ULK4: variants seen among roughly 807,000 people sequenced by gnomAD.
ULK4 encodes the protein unc-51 like kinase 4.
ULK4 carries 133 observed loss-of-function variants against 160.6 expected under a neutral mutation model. The ratio of observed to expected loss-of-function variants is 0.83; its 90% confidence interval spans 0.72 to 0.96. The LOEUF (loss-of-function observed/expected upper bound fraction) is 0.96, where lower values mean the gene tolerates loss of function less well. Among genes scored for constraint, ULK4 ranks in the 40% least tolerant of loss-of-function variants. The pLI is 0.00. For missense variants in ULK4, 1,580 were observed against 1,499.5 expected (o/e 1.05, Z -0.89); for synonymous variants, 534 against 539.8 (o/e 0.99, Z 0.15).
intron 30 of ULK4, among the ~76,000 whole-genome samples, chr3:41,645,129 CTT>C (rs2034422552): frequency 6.6e-6 from 1 of 151,912 alleles, no homozygotes; most frequent in Non-Finnish European, 1.5e-5. Context: ...TTTTGTTGAT[CTT>C]TTCAAAAAAC....
chr3:41,907,917 G>A lies in ULK4; in HGVS notation c.1110C>T (p.Ser370=). 1.9e-6 allele frequency: 3 copies of A among 1,607,196 alleles called. No individual in the cohort carries two copies. The highest frequency in any genetic ancestry group is 2.5e-6 in the Non-Finnish European group (3 of 1,177,148). The change falls in exon 12 of 37, where the codon AGC becomes AGT. Residue 370 remains serine (S), a synonymous_variant. Coordinates refer to ENST00000301831, the MANE Select transcript of ULK4 (RefSeq NM_017886.4). The part of the protein sequence containing the change: ...LLSSRPTPRT[S]TAVEVSPGED... ...CACCAGGACTTACTTCCACTGCAGT[G>A]CTAGTTCTGGGAGTAGGACGAGAAC...
In ULK4 at chr3:41,263,340, T is replaced by C. The variant is rs370801699; in HGVS notation, c.3679-13766A>G. ...AGTGTTTGTGTGATAGGGAGGGCTC[T>C]GAGGTGGGAAACGGGAGGGAGATAA... On this transcript the variant is annotated intron_variant, in intron 35 of 36. Transcript: ENST00000301831. 1.4e-4 allele frequency among the ~76,000 whole-genome samples: 22 copies of C among 152,288 alleles called. No homozygotes were observed. In the East Asian group the frequency reaches 3.3e-3, roughly 23 times the overall value.
At chr3:41,325,455 AAC>A (rs1168467936) in intron 35 of ULK4, among the ~76,000 whole-genome samples, 2 of 152,238 alleles carry the variant, frequency 1.3e-5, no homozygotes, top group Admixed American at 6.5e-5. Flanking sequence ...TTATGTGATA[AAC>A]ACATACTTTT....
chr3:41,361,096 C>T (rs1395651212), intron 35 of ULK4, among the ~76,000 whole-genome samples: 2 of 152,006 alleles, frequency 1.3e-5, no homozygotes, highest in East Asian at 3.9e-4. Context: ...AAAGTGAGAC[C>T]TGGTGCAGAA....
chr3:41,390,086 C>T (rs1238189466), intron 35 of ULK4, among the ~76,000 whole-genome samples: 1 of 152,112 alleles, frequency 6.6e-6, no homozygotes, highest in Non-Finnish European at 1.5e-5. Context: ...CAACTTCTTC[C>T]TGGTTTAGTC....
intron 32 of ULK4, among the ~76,000 whole-genome samples, chr3:41,561,236 C>G (rs924977879): frequency 2.6e-5 from 4 of 152,150 alleles, no homozygotes; most frequent in East Asian, 3.9e-4. Flanking sequence ...GTTGGGTAAG[C>G]TTTCTGATGT....
At chr3:41,665,866 GA>G (rs2035334742) in intron 29 of ULK4, among the ~76,000 whole-genome samples, 1 of 152,176 alleles carries the variant, frequency 6.6e-6, no homozygotes, top group African/African-American at 2.4e-5. Flanking sequence ...GAGTATGTAA[GA>G]ATATTCTCAA....
chr3:41,804,580 T>G (rs925785294), intron 19 of ULK4, among the ~76,000 whole-genome samples: 20 of 151,880 alleles, frequency 1.3e-4, no homozygotes, highest in African/African-American at 4.6e-4. Context: ...TGAATGGTAT[T>G]GCCTAGGTTG....
In ULK4 at chr3:41,581,173, TCCC is replaced by T. The variant is rs559864844; in HGVS notation, c.3121-15046_3121-15044del. Among the ~76,000 whole-genome samples the T allele has an allele frequency of 1.9e-3, 290 of 152,126 alleles. 1 individual carries two copies. Among genetic ancestry groups the T allele is most frequent in the African/African-American group, 6.7e-3 (278 of 41,496 alleles). On this transcript the variant is annotated intron_variant, in intron 31 of 36. Transcript: ENST00000301831. ...TCCTCAGAAGCCTATCTTTCTTCAC[TCCC>T]CCAAGGAATCCTATATACCAGAATC...
intron 27 of ULK4, among the ~76,000 whole-genome samples, chr3:41,700,552 A>T (rs2036640102): frequency 2.0e-5 from 3 of 152,192 alleles, no homozygotes; most frequent in Non-Finnish European, 4.4e-5. Flanking sequence ...GATCTGAGGT[A>T]CTGTCCCAAT....
intron 30 of ULK4, among the ~76,000 whole-genome samples, chr3:41,617,293 A>G (rs932430765): frequency 3.9e-5 from 6 of 152,234 alleles, no homozygotes; most frequent in Admixed American, 6.5e-5. Context: ...TGCCTCCTCA[A>G]GTGGGTCCCT....
chr3:41,543,182 A>T (rs10510721), intron 32 of ULK4, among the ~76,000 whole-genome samples: 18,901 of 152,104 alleles, frequency 0.12, 1,538 homozygotes, highest in East Asian at 0.31. Flanking sequence ...TTTTTAAATG[A>T]AAGTGTCTAT....
intron 35 of ULK4, among the ~76,000 whole-genome samples, chr3:41,279,378 A>C (rs1218314228): frequency 6.6e-6 from 1 of 152,168 alleles, no homozygotes. Flanking sequence ...ACCAAGTTAG[A>C]AAACTCTTCA....
intron 21 of ULK4, among the ~76,000 whole-genome samples, chr3:41,774,248 T>C (rs1376705773): frequency 6.6e-6 from 1 of 151,408 alleles, no homozygotes; most frequent in Non-Finnish European, 1.5e-5. Flanking sequence ...AAAGAGCTTC[T>C]GCACAGCAAA....
At chr3:41,333,383 T>C (rs1276497031) in intron 35 of ULK4, among the ~76,000 whole-genome samples, 2 of 152,222 alleles carry the variant, frequency 1.3e-5, no homozygotes, top group Non-Finnish European at 2.9e-5. Context: ...AACAGAGACA[T>C]ACTGTAAATT....
intron 25 of ULK4, among the ~76,000 whole-genome samples, chr3:41,710,398 GA>G (rs1027302598): frequency 1.3e-5 from 2 of 152,152 alleles, no homozygotes; most frequent in Non-Finnish European, 2.9e-5. Context: ...TTTTAAGAGA[GA>G]CCTGTCATTT....
At chr3:41,329,226 A>G (rs1339213925) in intron 35 of ULK4, among the ~76,000 whole-genome samples, 5 of 152,218 alleles carry the variant, frequency 3.3e-5, no homozygotes, top group African/African-American at 1.2e-4. Context: ...CAATACTACA[A>G]ATTCTTAAAC....
chr3:41,616,879 C>T (rs1289099830), intron 30 of ULK4, among the ~76,000 whole-genome samples: 1 of 152,186 alleles, frequency 6.6e-6, no homozygotes, highest in East Asian at 1.9e-4. Flanking sequence ...AGCTAAGAAC[C>T]ATTGGCTTGA....
At chr3:41,644,577 C>T (rs1261707767) in intron 30 of ULK4, among the ~76,000 whole-genome samples, 2 of 152,186 alleles carry the variant, frequency 1.3e-5, no homozygotes, top group African/African-American at 4.8e-5. Context: ...TTTGGATGTG[C>T]TGCTGGATTC....
Sources: gnomAD v4.1 joint callset for allele counts (sites outside exome capture counted in the v4.1 genomes callset) on GRCh38, gnomAD v4.1.1 for gene constraint, MANE v1.5 for transcripts, NCBI Gene and HGNC (gene_info 2026-07-23, HGNC 2026-07-21) for gene names.